ZDHHC20: variants seen among roughly 807,000 people sequenced by gnomAD.
ZDHHC20 encodes zDHHC palmitoyltransferase 20.
A neutral mutation model predicts 57.8 loss-of-function variants in ZDHHC20; 43 were observed. The observed-to-expected ratio is 0.74, with a 90% CI of 0.58 to 0.96. The LOEUF is 0.96. Among genes scored for constraint, ZDHHC20 ranks in the 40% least tolerant of loss-of-function variants. ZDHHC20 has a pLI of 0.00. For synonymous variants in ZDHHC20, 157 were observed against 153.0 expected (o/e 1.03, Z -0.19); for missense variants, 391 against 441.1 (o/e 0.89, Z 1.02).
At chr13:21,418,803 A>G (rs1251858938) in intron 3 of ZDHHC20, among the ~76,000 whole-genome samples, 3 of 152,144 alleles carry the variant, frequency 2.0e-5, no homozygotes, top group Non-Finnish European at 4.4e-5. Flanking sequence ...CCTCCCGAGT[A>G]GCTGGGACTA....
At chr13:21,391,119 AC>A (rs961115771) in intron 8 of ZDHHC20, among the ~76,000 whole-genome samples, 1 of 150,496 alleles carries the variant, frequency 6.6e-6, no homozygotes, top group Non-Finnish European at 1.5e-5. Flanking sequence ...ATTTTGGCTC[AC>A]TGCAGCTAGT....
chr13:21,404,297 G>A (rs1367971185), intron 4 of ZDHHC20: 2 of 499,746 alleles, frequency 4.0e-6, no homozygotes, highest in Non-Finnish European at 8.0e-6. Flanking sequence ...GACTTCCCCT[G>A]TCCAGCTCAT....
chr13:21,451,860 G>A lies in ZDHHC20; in HGVS notation c.118+7194C>T, dbSNP rs564961285. ...CAAAAAAAAATTAGCAGGGCATGGC[G>A]GCACACACCTGTAGTCCCAACTACT... On this transcript the variant is annotated intron_variant, in intron 1 of 12. Coordinates refer to ENST00000400590, the MANE Select transcript of ZDHHC20 (RefSeq NM_001330059.2). Among the ~76,000 whole-genome samples, 9 of 151,926 alleles carry A rather than the reference G, an allele frequency of 5.9e-5. No individual in the cohort carries two copies. The Middle Eastern group carries it at 0.01, about 173-fold the overall frequency.
At chr13:21,384,336 A>G (rs761084715) in intron 9 of ZDHHC20, among the ~76,000 whole-genome samples, 3 of 151,456 alleles carry the variant, frequency 2.0e-5, no homozygotes, top group Non-Finnish European at 4.4e-5. Context: ...GCTACTAGGG[A>G]GGCTGAGGCA....
intron 7 of ZDHHC20, among the ~76,000 whole-genome samples, chr13:21,394,538 T>C (rs1876418211): frequency 6.6e-6 from 1 of 152,218 alleles, no homozygotes; most frequent in Non-Finnish European, 1.5e-5. Context: ...CTACCTGCCA[T>C]ACAGTAAGTA....
intron 4 of ZDHHC20, chr13:21,404,267 C>A: frequency 2.1e-6 from 1 of 479,106 alleles, no homozygotes; most frequent in Non-Finnish European, 4.2e-6. Context: ...TTTCCACTTT[C>A]TTCAGCCTTT....
intron 1 of ZDHHC20, among the ~76,000 whole-genome samples, chr13:21,427,347 G>A (rs1466803014): frequency 6.6e-6 from 1 of 152,148 alleles, no homozygotes; most frequent in African/African-American, 2.4e-5. Flanking sequence ...AGTATATGTA[G>A]TATAGATGGG....
intron 4 of ZDHHC20, among the ~76,000 whole-genome samples, chr13:21,408,497 A>G (rs1023685788): frequency 2.6e-5 from 4 of 152,202 alleles, no homozygotes; most frequent in Admixed American, 2.6e-4. Context: ...GTTGCTTATC[A>G]GCTTAAGGAG....
At chr13:21,377,107 T>G (rs1872233014) in intron 12 of ZDHHC20, 1 of 162,496 alleles carries the variant, frequency 6.2e-6, no homozygotes, top group Non-Finnish European at 1.3e-5. Context: ...GACCAAGTAC[T>G]ACTCCACAGC....
At chr13:21,393,677 C>G (rs1461400548) in intron 7 of ZDHHC20, among the ~76,000 whole-genome samples, 3 of 137,740 alleles carry the variant, frequency 2.2e-5, no homozygotes, top group African/African-American at 8.7e-5. Context: ...GCACTCCAGC[C>G]TGGGCGACAC....
At position 21,413,713 on chromosome 13, in the gene ZDHHC20, T is replaced by C; in HGVS notation, c.309A>G (p.Gln103=). 6.2e-7 allele frequency: 1 copy of C among 1,611,888 alleles called. No homozygotes were observed. Among genetic ancestry groups the C allele is most frequent in the Non-Finnish European group, 8.5e-7 (1 of 1,179,220 alleles). ...TTGCTGCTCTTCTCAAAATTTCTTGTTGTCTTTCTTGGCTGAATTCTTTTT... is the reference window on the plus strand; with the variant it reads ...TTGCTGCTCTTCTCAAAATTTCTTGCTGTCTTTCTTGGCTGAATTCTTTTT... ...RYEKEFSQER[Q]QEILRRAARA... is the part of the protein sequence containing the mutation. The change falls in exon 4 of 13, where the codon CAA becomes CAG. Residue 103 remains glutamine, a synonymous_variant. Transcript: ENST00000400590.
intron 1 of ZDHHC20, among the ~76,000 whole-genome samples, chr13:21,442,703 C>CGGGA (rs1883304270): frequency 6.6e-6 from 1 of 151,018 alleles, no homozygotes; most frequent in African/African-American, 2.4e-5. Context: ...TACAGTGAGC[C>CGGGA]GAGATCACAC....
chr13:21,444,820 C>T (rs571530036), intron 1 of ZDHHC20, among the ~76,000 whole-genome samples: 3 of 152,234 alleles, frequency 2.0e-5, no homozygotes, highest in African/African-American at 7.2e-5. Context: ...CTCTGGGAGG[C>T]TGAGGTGGGA....
At chr13:21,391,677 A>G in intron 8 of ZDHHC20, 45 bp downstream of exon 8, 1 of 1,544,400 alleles carries the variant, frequency 6.5e-7, no homozygotes, top group Non-Finnish European at 8.8e-7. Context: ...ATATTTATTT[A>G]TGGTCATTGT....
At chr13:21,397,216 A>G (rs776817817) in intron 7 of ZDHHC20, among the ~76,000 whole-genome samples, 5 of 151,906 alleles carry the variant, frequency 3.3e-5, no homozygotes, top group Non-Finnish European at 4.4e-5. Context: ...CCAACATGGT[A>G]AAACCCCGTC....
At chr13:21,420,503 C>T (rs1364389897) in intron 3 of ZDHHC20, among the ~76,000 whole-genome samples, 1 of 152,080 alleles carries the variant, frequency 6.6e-6, no homozygotes, top group Non-Finnish European at 1.5e-5. Context: ...AAGAAATTTT[C>T]GGTGAAGGAA....
At chr13:21,376,938 A>C (rs1593157638) in intron 12 of ZDHHC20, 3 of 216,868 alleles carry the variant, frequency 1.4e-5, no homozygotes, top group Non-Finnish European at 2.7e-5. Context: ...CATCTGGTCC[A>C]CCTACACCTG....
chr13:21,430,815 C>T (rs562619074), intron 1 of ZDHHC20, among the ~76,000 whole-genome samples: 31 of 152,018 alleles, frequency 2.0e-4, no homozygotes, highest in African/African-American at 5.1e-4. Flanking sequence ...TTCCTCAGGT[C>T]GCAAGGTCCC....
intron 4 of ZDHHC20, among the ~76,000 whole-genome samples, chr13:21,405,468 C>T (rs1432557494): frequency 6.6e-6 from 1 of 152,160 alleles, no homozygotes. Flanking sequence ...AGTTCTGTCT[C>T]ACTCACCTGT....
Sources: allele counts gnomAD v4.1 joint callset (sites outside exome capture counted in the v4.1 genomes callset), GRCh38; gene constraint gnomAD v4.1.1; transcripts MANE v1.5; gene names NCBI Gene and HGNC (gene_info 2026-07-23, HGNC 2026-07-21).